MAST3: variants seen among roughly 807,000 people sequenced by gnomAD.
MAST3 encodes the protein microtubule associated serine/threonine kinase 3.
MAST3 carries 43 observed loss-of-function variants against 127.0 expected under a neutral mutation model. That is an observed-to-expected ratio of 0.34 (90% CI 0.27 to 0.44). The LOEUF (loss-of-function observed/expected upper bound fraction) is 0.44, where lower values mean the gene tolerates loss of function less well. Among genes scored for constraint, MAST3 ranks in the 20% least tolerant of loss-of-function variants. MAST3 has a pLI of 1.00. For missense variants in MAST3, 1,390 were observed against 1,919.1 expected, an observed-to-expected ratio of 0.72 and a Z score of 5.15; for synonymous variants, 785 against 809.2, an observed-to-expected ratio of 0.97 and a Z score of 0.51.
chr19:18,141,382 T>TTTTTTTTC lies in MAST3; in HGVS notation c.2206-493_2206-492insCTTTTTTT, dbSNP rs944501111. On this transcript the variant is annotated intron_variant, in intron 20 of 27. Transcript: ENST00000687212. ...CACTGGACTAAGCCAGCTTTCTTTT[T>TTTTTTTTC]TTTTTTTTGAAACAGAGTCTCGCTC... Among the ~76,000 whole-genome samples, 2 of 145,186 alleles carry TTTTTTTTC rather than the reference T, an allele frequency of 1.4e-5. 1 individual carries two copies. The highest frequency in any genetic ancestry group is 3.0e-5 in the Non-Finnish European group (2 of 66,224).
chr19:18,118,063 GC>G, intron 3 of MAST3: 8 of 982,116 alleles, frequency 8.1e-6, no homozygotes, highest in Non-Finnish European at 9.7e-6. Context: ...AGCCCCGTGC[GC>G]CCCCCTCCCT....
Position 18,149,669 on chromosome 19 carries a change from C to G in MAST3, c.3987C>G (p.Ile1329Met). 1.2e-6 allele frequency: 2 copies of G among 1,613,142 alleles called. No homozygotes were observed. Among genetic ancestry groups the G allele is most frequent in the Non-Finnish European group, 1.7e-6 (2 of 1,179,866 alleles). ...ATGLPTSVPQ[I>M]AVEGEEAVPV... is the part of the protein sequence containing the mutation. ...GGCTGCCCACCTCAGTGCCACAGAT[C>G]GCCGTGGAGGGCGAGGAAGCCGTGC... is the stretch of plus-strand genomic sequence containing the variant. Residue 1329 changes from isoleucine to methionine, a missense_variant, in exon 28 of 28, where the codon ATC becomes ATG. By Grantham distance (10) the Ile-to-Met change is conservative (BLOSUM62 1). This residue lies in a region of MAST3 where 816 missense variants were observed against 934.1 expected (regional missense o/e 0.87). Coordinates refer to ENST00000687212, the MANE Select transcript of MAST3 (RefSeq NM_001393504.1). This position sits in a 1 kb window ranked among gnomAD's most constrained non-coding sequence, Gnocchi z 5.9.
chr19:18,119,039 A>G (rs969947441), intron 3 of MAST3, among the ~76,000 whole-genome samples: 2 of 152,148 alleles, frequency 1.3e-5, no homozygotes, highest in African/African-American at 4.8e-5. Flanking sequence ...TTTCTGCCAC[A>G]TTCTCTCTGT....
chr19:18,133,098 T>TAAA (rs879533143), intron 15 of MAST3, among the ~76,000 whole-genome samples: 1 of 136,776 alleles, frequency 7.3e-6, no homozygotes, highest in Non-Finnish European at 1.6e-5. Context: ...GACTCCATCT[T>TAAA]AAAAAAAAAA....
intron 3 of MAST3, chr19:18,118,073 CTG>C: frequency 1.6e-5 from 16 of 984,944 alleles, no homozygotes; most frequent in Non-Finnish European, 1.9e-5. Context: ...GCCCCCCTCC[CTG>C]TCCGGCTCCG....
chr19:18,145,767 C>A lies in MAST3; in HGVS notation c.3064C>A (p.Gln1022Lys). Residue 1022 changes from glutamine to lysine, a missense_variant, in exon 25 of 28, where the codon CAG becomes AAG. Gln to Lys is a moderately conservative substitution (Grantham distance 53). Around this residue, in one of 5 missense-constraint regions of MAST3, gnomAD observed 816 missense variants for 934.1 expected, o/e 0.87. Transcript: ENST00000687212. This position sits in a 1 kb window ranked among gnomAD's most constrained non-coding sequence, Gnocchi z 5.9. ...GAGTGTGGAGGACGGAAGCCCCGCC[C>A]AGGAGGCGGGCCTGCGGGCTGGGGA... is the stretch of plus-strand genomic sequence containing the variant. ...VWSVEDGSPA[Q>K]EAGLRAGDLI... is the part of the protein sequence containing the mutation. 1 of 1,587,906 alleles carries A rather than the reference C, an allele frequency of 6.3e-7. No homozygotes were observed. The highest frequency in any genetic ancestry group is 1.7e-4 in the Middle Eastern group (1 of 5,966).
intron 3 of MAST3, among the ~76,000 whole-genome samples, chr19:18,117,473 C>T (rs1201240418): frequency 6.6e-6 from 1 of 152,200 alleles, no homozygotes; most frequent in Non-Finnish European, 1.5e-5. Flanking sequence ...AACACACCCT[C>T]TATGCCAGTC....
At chr19:18,131,129 G>T (rs1201923710) in intron 14 of MAST3, among the ~76,000 whole-genome samples, 1 of 152,192 alleles carries the variant, frequency 6.6e-6, no homozygotes, top group Non-Finnish European at 1.5e-5. Flanking sequence ...AGAAGGCAGG[G>T]TCTCAGCTTG....
intron 3 of MAST3, among the ~76,000 whole-genome samples, chr19:18,114,128 C>T (rs867161906): frequency 6.6e-6 from 1 of 152,118 alleles, no homozygotes; most frequent in African/African-American, 2.4e-5. Flanking sequence ...GCCCCACAAA[C>T]ATGGGGTATA....
chr19:18,100,040 A>G (rs1482069072), intron 1 of MAST3, among the ~76,000 whole-genome samples: 2 of 151,726 alleles, frequency 1.3e-5, no homozygotes, highest in African/African-American at 2.4e-5. Flanking sequence ...GCATGGAATG[A>G]AAGTCTAAGT....
intron 15 of MAST3, 122 bp downstream of exon 15, chr19:18,132,169 ATCTG>A: frequency 7.4e-7 from 1 of 1,350,390 alleles, no homozygotes; most frequent in Non-Finnish European, 1.0e-6. Context: ...CAGGAGCCCC[ATCTG>A]TCTGAGCTCT....
chr19:18,145,369 T>C lies in MAST3; in HGVS notation c.3039+140T>C. On this transcript the variant is annotated intron_variant, in intron 24 of 27. Coordinates refer to ENST00000687212, the MANE Select transcript of MAST3 (RefSeq NM_001393504.1). The surrounding 1 kb of genome is among the most constrained non-coding windows in gnomAD (Gnocchi z 5.9). The stretch of plus-strand genomic sequence containing the variant: ...GCCACCGAGTTCATCTCGGTCCCTG[T>C]CATTTGGCAGGGAGGAGGTCAGATG... 1.3e-6 allele frequency: 1 copy of C among 795,704 alleles called. No individual in the cohort carries two copies. Among genetic ancestry groups the C allele is most frequent in the Non-Finnish European group, 2.1e-6 (1 of 482,430 alleles). 49.3% of individuals were successfully genotyped at this position (795,704 alleles called of 1,614,324 possible).
chr19:18,113,524 G>C (rs908580251), intron 3 of MAST3, among the ~76,000 whole-genome samples: 1 of 151,978 alleles, frequency 6.6e-6, no homozygotes, highest in Non-Finnish European at 1.5e-5. Context: ...GAAGTGGCAC[G>C]ATCTTGGCTC....
In MAST3 at chr19:18,150,256, G is replaced by A. The variant is rs1306503735; in HGVS notation, c.*530G>A. 5 of 155,716 alleles carry A rather than the reference G, an allele frequency of 3.2e-5. No individual in the cohort carries two copies. The highest frequency in any genetic ancestry group is 1.2e-4 in the African/African-American group (5 of 41,412). The allele number at this position is 155,716 out of a possible 1,614,324, so 9.6% of individuals were successfully genotyped here. A position where few individuals can be genotyped will look rare whatever the true frequency, so the allele number is the denominator to read the frequency against. On this transcript the variant is annotated 3_prime_UTR_variant, in exon 28 of 28. Transcript: ENST00000687212. The stretch of plus-strand genomic sequence containing the variant: ...CTGCCTTTGCCTCCCAAAGTGCTGG[G>A]ATTACAGGCGTGAGCCACTGGGCCC...
Position 18,148,233 on chromosome 19 carries a change from G to A in MAST3, c.3508+609G>A, listed in dbSNP as rs955611370. ...GGAGAATCGCTTGAACCCAGGAGGT[G>A]GAGGTTGCGGTGAGCCGAGATTGAG... On this transcript the variant is annotated intron_variant, in intron 27 of 27. Transcript: ENST00000687212. 3.9e-5 allele frequency among the ~76,000 whole-genome samples: 6 copies of A among 152,160 alleles called. 1 individual carries two copies. The highest frequency in any genetic ancestry group is 3.9e-4 in the Admixed American group (6 of 15,284).
In MAST3 at chr19:18,103,068, G is replaced by T. The variant is rs565282929; in HGVS notation, c.40-4519G>T. Among the ~76,000 whole-genome samples the T allele has an allele frequency of 1.1e-4, 16 of 152,278 alleles. No individual in the cohort carries two copies. In the South Asian group the frequency reaches 3.3e-3, roughly 32 times the overall value. On this transcript the variant is annotated intron_variant, in intron 1 of 27. Coordinates refer to ENST00000687212, the MANE Select transcript of MAST3 (RefSeq NM_001393504.1). ...GGCCTCCCCAACCTCCACTCCTCTG[G>T]GTGGGAACCACTCCCAGGGGAACAG...
chr19:18,124,940 CT>C (rs200594475), intron 11 of MAST3, among the ~76,000 whole-genome samples, 166 bp downstream of exon 11: 35,232 of 150,870 alleles, frequency 0.23, 4,122 homozygotes, highest in Middle Eastern at 0.26. Context: ...AACCCCCCCC[CT>C]ACTAAAAATA....
In MAST3 at chr19:18,143,777, CATCCTCTGG is replaced by C; in HGVS notation, c.2361_2369del (p.Gly788_Ser790del). On this transcript the variant is annotated inframe_deletion, in exon 22 of 28. Transcript: ENST00000687212. ...CCTCCCTGCAGGCTGAGGTCCTGGA[CATCCTCTGG>C]ATCCTCCTGTCAGTCATCTTCGTCC... is the stretch of plus-strand genomic sequence containing the variant. The C allele has an allele frequency of 6.2e-7, 1 of 1,613,648 alleles. No homozygotes were observed.
chr19:18,123,874 C>T (rs2040284288), intron 8 of MAST3, 65 bp from the exon 9 acceptor site: 10 of 1,436,492 alleles, frequency 7.0e-6, no homozygotes, highest in Non-Finnish European at 9.4e-6. Context: ...CCTCTCCTGC[C>T]CCATTCTGCG....
Sources: allele counts gnomAD v4.1 joint callset (sites outside exome capture counted in the v4.1 genomes callset), GRCh38; gene constraint gnomAD v4.1.1; regional missense constraint gnomAD v4.1.1; non-coding constraint Gnocchi (gnomAD v3.1); transcripts MANE v1.5; gene names NCBI Gene and HGNC (gene_info 2026-07-23, HGNC 2026-07-21).